The following ZFHX3 variants were observed in gnomAD, a reference collection of about 807,000 sequenced individuals.
ZFHX3 encodes zinc finger homeobox 3.
ZFHX3 carries 42 observed loss-of-function variants against 279.1 expected under a neutral mutation model. That is an observed-to-expected ratio of 0.15 (90% CI 0.12 to 0.19). The LOEUF is 0.19. Among genes scored for constraint, ZFHX3 ranks in the 10% least tolerant of loss-of-function variants. The pLI, the probability that ZFHX3 is intolerant of heterozygous loss-of-function variation, is 1.00. For missense variants in ZFHX3, 4,981 were observed against 4,754.0 expected (o/e 1.05, Z -1.40); for synonymous variants, 2,293 against 1,957.8 (o/e 1.17, Z -4.52).
chr16:73,834,938 T>C (rs959208869), intron 1 of ZFHX3, among the ~76,000 whole-genome samples: 3 of 151,856 alleles, frequency 2.0e-5, no homozygotes, highest in African/African-American at 7.3e-5. Flanking sequence ...ATATACTCCA[T>C]TTAACAGTGC....
chr16:73,197,924 GTTTTTTTTTTTTT>G (rs71156148), intron 5 of ZFHX3, among the ~76,000 whole-genome samples: 26 of 53,786 alleles, frequency 4.8e-4, no homozygotes, highest in South Asian at 9.8e-4. Context: ...TGATTTGGTG[GTTTTTTTTTTTTT>G]TTTTTTTTTT....
chr16:73,124,593 C>T lies in ZFHX3; in HGVS notation c.-897+6375G>A, dbSNP rs116838113. Among the ~76,000 whole-genome samples the T allele has an allele frequency of 5.1e-3, 774 of 152,310 alleles. 6 individuals carry two copies. Among genetic ancestry groups the T allele is most frequent in the African/African-American group, 0.018 (732 of 41,572 alleles). ...GATAGCAACGGTAACAGTGACAGTA[C>T]ATGCTTTGCAGGGTTGTAATGAGAA... On this transcript the variant is annotated intron_variant, in intron 7 of 17. Coordinates refer to the ZFHX3 transcript ENST00000641206.
intron 4 of ZFHX3, among the ~76,000 whole-genome samples, chr16:73,302,525 GCA>G (rs1179870110): frequency 6.6e-6 from 1 of 152,204 alleles, no homozygotes; most frequent in Non-Finnish European, 1.5e-5. Context: ...CCAAGGAAAA[GCA>G]CAGACAGTTG....
intron 2 of ZFHX3, among the ~76,000 whole-genome samples, chr16:72,952,898 C>T (rs1451530483): frequency 2.6e-5 from 4 of 152,160 alleles, no homozygotes; most frequent in Non-Finnish European, 4.4e-5. Flanking sequence ...CCTAAACACA[C>T]GTGCACTTGA....
At chr16:73,757,765 A>G (rs2053825462) in intron 1 of ZFHX3, among the ~76,000 whole-genome samples, 1 of 152,182 alleles carries the variant, frequency 6.6e-6, no homozygotes, top group South Asian at 2.1e-4. Flanking sequence ...GCGTGAAGTG[A>G]TCAAACCTGG....
At chr16:73,267,565 G>T (rs1047409658) in intron 4 of ZFHX3, among the ~76,000 whole-genome samples, 13 of 152,104 alleles carry the variant, frequency 8.5e-5, no homozygotes, top group Non-Finnish European at 1.3e-4. Context: ...AATGACATCC[G>T]GTGGTGGTTT....
intron 1 of ZFHX3, among the ~76,000 whole-genome samples, chr16:73,791,333 G>A (rs974130333): frequency 1.3e-5 from 2 of 152,090 alleles, no homozygotes; most frequent in Non-Finnish European, 2.9e-5. Flanking sequence ...GTTCTCAAAC[G>A]GTAGTGTGCA....
In ZFHX3 at chr16:73,695,232, G is replaced by GTTTTT. The variant is rs1409367239; in HGVS notation, c.-1607-14997_-1607-14993dup. Reference sequence around the variant, plus strand: ...TTGCAGAAAATGTAATTCAAATACAGTTTTTTTTTGTTTTTTTTTTTTGAG... The same window carrying GTTTTT: ...TTGCAGAAAATGTAATTCAAATACAGTTTTTTTTTTTTTTGTTTTTTTTTTTTGAG... On this transcript the variant is annotated intron_variant, in intron 1 of 17. Transcript: ENST00000641206. Among the ~76,000 whole-genome samples the GTTTTT allele has an allele frequency of 9.0e-5, 7 of 77,910 alleles. 1 individual carries two copies. Among genetic ancestry groups the GTTTTT allele is most frequent in the Non-Finnish European group, 9.0e-5 (3 of 33,370 alleles). 51.1% of individuals were successfully genotyped at this position (77,910 alleles called of 152,430 possible).
chr16:73,532,834 T>C (rs1567511624), intron 2 of ZFHX3, among the ~76,000 whole-genome samples: 1 of 152,236 alleles, frequency 6.6e-6, no homozygotes, highest in Non-Finnish European at 1.5e-5. Context: ...GTTCCCATAA[T>C]AGTGAGTGAG....
At chr16:73,557,205 C>A (rs1264482792) in intron 2 of ZFHX3, among the ~76,000 whole-genome samples, 2 of 149,888 alleles carry the variant, frequency 1.3e-5, no homozygotes, top group African/African-American at 2.5e-5. Flanking sequence ...TTTGCCTGGT[C>A]TTCTGTCATG....
chr16:73,180,072 C>A (rs745548653), intron 5 of ZFHX3, among the ~76,000 whole-genome samples: 1 of 152,182 alleles, frequency 6.6e-6, no homozygotes, highest in Admixed American at 6.5e-5. Flanking sequence ...AAATTACAGA[C>A]TCCTACGGGA....
intron 3 of ZFHX3, among the ~76,000 whole-genome samples, chr16:73,376,604 G>A (rs2016727335): frequency 6.6e-6 from 1 of 152,152 alleles, no homozygotes; most frequent in Admixed American, 6.5e-5. Context: ...ATCATTGGCT[G>A]GAGTCAATGT....
At chr16:73,381,756 G>C (rs1422852310) in intron 3 of ZFHX3, among the ~76,000 whole-genome samples, 1 of 152,178 alleles carries the variant, frequency 6.6e-6, no homozygotes, top group Admixed American at 6.5e-5. Flanking sequence ...AACAATAGTT[G>C]ATGTGCTAAA....
At chr16:73,265,014 G>GCA (rs1555507001) in intron 4 of ZFHX3, among the ~76,000 whole-genome samples, 1 of 96,886 alleles carries the variant, frequency 1.0e-5, no homozygotes, top group Non-Finnish European at 2.1e-5. Context: ...GCACCTCAGT[G>GCA]CATATATATA....
chr16:72,983,069 C>A (rs933661325), intron 1 of ZFHX3, among the ~76,000 whole-genome samples: 2 of 152,112 alleles, frequency 1.3e-5, no homozygotes, highest in Non-Finnish European at 2.9e-5. Flanking sequence ...GGCTTCTTCC[C>A]CGTCAGGAAT....
chr16:73,022,503 A>G (rs1964336508), intron 1 of ZFHX3, among the ~76,000 whole-genome samples: 1 of 152,142 alleles, frequency 6.6e-6, no homozygotes, highest in African/African-American at 2.4e-5. Context: ...GCATCGCAGG[A>G]TGTTTAGGAG....
At position 72,784,258 on chromosome 16, in the gene ZFHX3, AAAAAACAAAAAC is replaced by A. The variant is rs567285711; in HGVS notation, c.*2894_*2905del. Reference sequence around the variant, plus strand: ...GATGGCATAGTAGCTCCATGAAAAAAAAAAACAAAAACAAAAACAAAAACCCAAACCATCAGG... The same window carrying A: ...GATGGCATAGTAGCTCCATGAAAAAAAAAAACAAAAACCCAAACCATCAGG... On this transcript the variant is annotated 3_prime_UTR_variant, in exon 10 of 10. Transcript: ENST00000268489. The A allele has an allele frequency of 2.0e-5, 3 of 152,234 alleles. No homozygotes were observed. The highest frequency in any genetic ancestry group is 2.9e-5 in the Non-Finnish European group (2 of 68,148). 9.4% of individuals were successfully genotyped at this position (152,234 alleles called of 1,614,324 possible). A position where few individuals can be genotyped will look rare whatever the true frequency, so the allele number is the denominator to read the frequency against.
chr16:73,707,595 TGGGGGGA>T (rs1223110911), intron 1 of ZFHX3, among the ~76,000 whole-genome samples: 10 of 21,986 alleles, frequency 4.5e-4, no homozygotes, highest in African/African-American at 1.8e-3. Context: ...TATTGTGGGG[TGGGGGGA>T]GGGGGGAGGG....
At chr16:73,792,738 C>T (rs1289688211) in intron 1 of ZFHX3, among the ~76,000 whole-genome samples, 2 of 152,178 alleles carry the variant, frequency 1.3e-5, no homozygotes, top group Admixed American at 6.5e-5. Flanking sequence ...AACGGTTGTT[C>T]GAAAAGGCTG....
Sources: allele counts gnomAD v4.1 joint callset (sites outside exome capture counted in the v4.1 genomes callset), GRCh38; gene constraint gnomAD v4.1.1; transcripts MANE v1.5; gene names NCBI Gene and HGNC (gene_info 2026-07-23, HGNC 2026-07-21).